ART3: variants seen among roughly 807,000 people sequenced by gnomAD.
The protein encoded by ART3 is ecto-ADP-ribosyltransferase 3.
ART3 carries 49 observed loss-of-function variants against 48.5 expected under a neutral mutation model. The ratio of observed to expected loss-of-function variants is 1.01; its 90% CI spans 0.80 to 1.28. The LOEUF is 1.28. ART3 is among the 50% of genes most tolerant of loss of function. The pLI is 0.00. For synonymous variants in ART3, 145 were observed against 157.2 expected, an observed-to-expected ratio of 0.92 and a Z score of 0.58; for missense variants, 438 against 454.3, an observed-to-expected ratio of 0.96 and a Z score of 0.33.
intron 1 of ART3, among the ~76,000 whole-genome samples, chr4:76,040,274 A>G (rs1734820360): frequency 6.6e-6 from 1 of 152,216 alleles, no homozygotes; most frequent in Middle Eastern, 3.2e-3. Flanking sequence ...GCAGCGAGCC[A>G]AGATCGCGTC....
intron 3 of ART3, among the ~76,000 whole-genome samples, chr4:76,085,137 A>G (rs937083849): frequency 6.6e-6 from 1 of 152,194 alleles, no homozygotes; most frequent in African/African-American, 2.4e-5. Context: ...TCACTGCTGT[A>G]TATTCTTCTG....
At chr4:76,034,148 AAAAC>A (rs1734122449) in intron 1 of ART3, 1 of 297,456 alleles carries the variant, frequency 3.4e-6, no homozygotes, top group Admixed American at 5.1e-5. Flanking sequence ...AATTGGTTAT[AAAAC>A]AAACCAAATG....
chr4:76,068,855 T>C (rs1440811975), intron 1 of ART3, among the ~76,000 whole-genome samples: 3 of 152,246 alleles, frequency 2.0e-5, no homozygotes, highest in East Asian at 1.9e-4. Flanking sequence ...GTTTTTGTTT[T>C]TGTTTTTAAG....
intron 1 of ART3, among the ~76,000 whole-genome samples, chr4:76,041,617 A>AAT (rs1048274268): frequency 2.2e-5 from 2 of 91,344 alleles, no homozygotes; most frequent in African/African-American, 9.8e-5. Flanking sequence ...GCATGAAAAT[A>AAT]TATTATTTCA....
chr4:76,065,834 A>C (rs1405056298), intron 1 of ART3, among the ~76,000 whole-genome samples: 2 of 152,030 alleles, frequency 1.3e-5, no homozygotes, highest in Non-Finnish European at 2.9e-5. Context: ...AATACGCATT[A>C]TTTTGAAAAT....
At chr4:76,107,673 C>T (rs1728735133) in intron 10 of ART3, 88 bp from the exon 11 acceptor site, 1 of 919,272 alleles carries the variant, frequency 1.1e-6, no homozygotes, top group Non-Finnish European at 1.7e-6. Context: ...ACAGAGATAA[C>T]CAAGTTTGCT....
intron 1 of ART3, among the ~76,000 whole-genome samples, chr4:76,032,443 G>A (rs1733952329): frequency 6.6e-6 from 1 of 151,926 alleles, no homozygotes; most frequent in Non-Finnish European, 1.5e-5. Context: ...CTGGGCTTAA[G>A]CCATTCACCT....
At chr4:76,075,074 G>A (rs1242042889) in intron 1 of ART3, among the ~76,000 whole-genome samples, 1 of 152,162 alleles carries the variant, frequency 6.6e-6, no homozygotes, top group Non-Finnish European at 1.5e-5. Flanking sequence ...TAAAAGGGAA[G>A]ACTTCTCCCT....
intron 3 of ART3, among the ~76,000 whole-genome samples, chr4:76,085,215 CA>C (rs1407253573): frequency 1.3e-5 from 2 of 152,180 alleles, no homozygotes; most frequent in Non-Finnish European, 2.9e-5. Flanking sequence ...CTAACTGAAC[CA>C]AAAACCATCG....
At chr4:76,088,721 C>T (rs765621127) in intron 3 of ART3, among the ~76,000 whole-genome samples, 9 of 152,220 alleles carry the variant, frequency 5.9e-5, no homozygotes, top group Non-Finnish European at 1.2e-4. Flanking sequence ...AGTGACATAT[C>T]CAACACCATA....
chr4:76,013,811 G>A (rs1732019545), intron 1 of ART3, among the ~76,000 whole-genome samples: 1 of 152,008 alleles, frequency 6.6e-6, no homozygotes, highest in South Asian at 2.1e-4. Context: ...ATTTACTTTT[G>A]TTCATTTAGC....
chr4:76,058,564 T>C (rs1168651401), intron 1 of ART3: 2 of 152,218 alleles, frequency 1.3e-5, no homozygotes, highest in East Asian at 3.8e-4. Context: ...TGTTTAGATA[T>C]ATTCATTTCT....
Position 76,032,538 on chromosome 4 carries a change from TA to T in ART3, c.-10+21228del, listed in dbSNP as rs34793518. 4.5e-4 allele frequency among the ~76,000 whole-genome samples: 66 copies of T among 146,864 alleles called. 1 individual carries two copies. The highest frequency in any genetic ancestry group is 3.8e-3 in the South Asian group (18 of 4,680). ...GTGAATTTTTATTTTTAAAGAGACTTAAAAAAAAAATCACTGTAAGTAGTCA... is the reference window on the plus strand; with the variant it reads ...GTGAATTTTTATTTTTAAAGAGACTTAAAAAAAAATCACTGTAAGTAGTCA... On this transcript the variant is annotated intron_variant, in intron 1 of 9. Transcript: ENST00000341029.
At chr4:76,100,765 A>G in intron 6 of ART3, 30 bp from the exon 7 acceptor site, 1 of 1,603,862 alleles carries the variant, frequency 6.2e-7, no homozygotes, top group Non-Finnish European at 8.5e-7. Context: ...TTCCTTCGTT[A>G]AAACTGATGA....
chr4:76,017,314 T>C (rs867738780), intron 1 of ART3, among the ~76,000 whole-genome samples: 1 of 151,534 alleles, frequency 6.6e-6, no homozygotes, highest in African/African-American at 2.4e-5. Flanking sequence ...CAGTGGGTCC[T>C]TCCCTTCAAG....
Position 76,035,781 on chromosome 4 carries a change from C to A in ART3, c.-10+24461C>A, listed in dbSNP as rs1734334699. 8 of 678,250 alleles carry A rather than the reference C, an allele frequency of 1.2e-5. No individual in the cohort carries two copies. In the South Asian group the frequency reaches 1.4e-4, roughly 12 times the overall value. 42.0% of individuals were successfully genotyped at this position (678,250 alleles called of 1,614,324 possible). A position where few individuals can be genotyped will look rare whatever the true frequency, so the allele number is the denominator to read the frequency against. Reference sequence around the variant, plus strand: ...ATCTCTAGTATCTTAAACATGTCCACCATTTCTGTGCTAAAGCTGTAGTAA... The same window carrying A: ...ATCTCTAGTATCTTAAACATGTCCAACATTTCTGTGCTAAAGCTGTAGTAA... On this transcript the variant is annotated intron_variant, in intron 1 of 9. Coordinates refer to the ART3 transcript ENST00000341029.
chr4:76,060,694 G>A (rs997583384), intron 1 of ART3, among the ~76,000 whole-genome samples: 1 of 152,210 alleles, frequency 6.6e-6, no homozygotes, highest in African/African-American at 2.4e-5. Flanking sequence ...GGAAGAGGAA[G>A]ACAGAGCAGT....
chr4:76,022,106 A>G (rs1350160772), intron 1 of ART3, among the ~76,000 whole-genome samples: 2 of 152,202 alleles, frequency 1.3e-5, no homozygotes, highest in Admixed American at 6.5e-5. Flanking sequence ...TTCAACCATG[A>G]AAGACTTGGG....
rs572910490 is a variant in ART3 at position 76,050,558 on chromosome 4, T to C, written c.-9-25323T>C. 1.7e-3 allele frequency among the ~76,000 whole-genome samples: 252 copies of C among 152,206 alleles called. 1 individual carries two copies. Among genetic ancestry groups the C allele is most frequent in the African/African-American group, 3.1e-3 (128 of 41,512 alleles). ...CTGAGCTAGACATAAAAGTTCTCCATGTTCCCACCAGACTCAGGAGCCCAG... is the reference window on the plus strand; with the variant it reads ...CTGAGCTAGACATAAAAGTTCTCCACGTTCCCACCAGACTCAGGAGCCCAG... On this transcript the variant is annotated intron_variant, in intron 1 of 9. Transcript: ENST00000341029.
Sources: allele counts gnomAD v4.1 joint callset (sites outside exome capture counted in the v4.1 genomes callset), GRCh38; gene constraint gnomAD v4.1.1; transcripts MANE v1.5; gene names NCBI Gene and HGNC (gene_info 2026-07-23, HGNC 2026-07-21).